Variants in MUC22 observed in about 807,000 individuals in gnomAD.
MUC22 encodes the protein mucin 22.
A neutral mutation model predicts 40.3 loss-of-function variants in MUC22; 24 were observed. The ratio of observed to expected loss-of-function variants is 0.60; its 90% confidence interval spans 0.43 to 0.84. The LOEUF is 0.84. Ranked by LOEUF, MUC22 falls within the 40% of genes least tolerant of loss-of-function variation. The pLI, the probability that MUC22 is intolerant of heterozygous loss-of-function variation, is 0.00. For missense variants in MUC22, 1,926 were observed against 2,130.7 expected, an observed-to-expected ratio of 0.90 and a Z score of 1.89; for synonymous variants, 765 against 844.5, an observed-to-expected ratio of 0.91 and a Z score of 1.63.
intron 1 of MUC22, among the ~76,000 whole-genome samples, chr6:31,022,106 A>G (rs570740979): frequency 2.0e-5 from 3 of 152,202 alleles, no homozygotes; most frequent in African/African-American, 7.2e-5. Flanking sequence ...AACCCACCAG[A>G]AGGAAGAAAC....
chr6:31,026,387 C>A lies in MUC22; in HGVS notation c.956C>A (p.Thr319Asn), dbSNP rs1414673491. The stretch of plus-strand genomic sequence containing the variant: ...TCTATTTCAGGTTCTGAGATCACCA[C>A]CACCTCTACGGCAGGATCCGAGAAC... The change falls in exon 2 of 4, where the codon ACC becomes AAC. Residue 319 changes from threonine to asparagine, a missense_variant. Thr to Asn is a moderately conservative substitution (Grantham distance 65). Transcript: ENST00000561890. 19 of 1,508,234 alleles carry A rather than the reference C, an allele frequency of 1.3e-5. 2 individuals carry two copies. The highest frequency in any genetic ancestry group is 1.6e-5 in the Non-Finnish European group (18 of 1,129,178). 93.4% of individuals were successfully genotyped at this position (1,508,234 alleles called of 1,614,324 possible).
intron 1 of MUC22, among the ~76,000 whole-genome samples, chr6:31,018,343 C>T (rs6911186): frequency 0.025 from 3,742 of 152,338 alleles, 154 homozygotes; most frequent in African/African-American, 0.084. Flanking sequence ...TATTTAGTCA[C>T]ATGCCACACC....
chr6:31,029,475 C>T (rs867285302), exon 2 of MUC22: 3 of 1,534,634 alleles, frequency 2.0e-6, no homozygotes, highest in Non-Finnish European at 2.6e-6. Context: ...CCACCACAGC[C>T]TCTACCGCAG....
chr6:31,027,244 A>T (rs1765481629), exon 2 of MUC22: 2 of 1,458,320 alleles, frequency 1.4e-6, no homozygotes, highest in South Asian at 2.5e-5. Flanking sequence ...AGGCTCTGAG[A>T]CCACCACAGC....
chr6:31,027,239 C>G, exon 2 of MUC22: 1 of 1,508,784 alleles, frequency 6.6e-7, no homozygotes, highest in South Asian at 1.2e-5. Context: ...ACCACAGGCT[C>G]TGAGACCACC....
chr6:31,027,194 C>T (rs1420090162), exon 2 of MUC22: 2 of 1,489,952 alleles, frequency 1.3e-6, no homozygotes, highest in African/African-American at 2.9e-5. Context: ...ACAATCAGAG[C>T]CTCTACCGTA....
At chr6:31,027,997 A>G (rs1412903159) in exon 2 of MUC22, 1 of 1,533,080 alleles carries the variant, frequency 6.5e-7, no homozygotes, top group East Asian at 2.5e-5. Flanking sequence ...TTCTGAGAAC[A>G]CCACAGCATC....
At chr6:31,029,355 C>T in exon 2 of MUC22, 2 of 1,535,288 alleles carry the variant, frequency 1.3e-6, no homozygotes, top group Non-Finnish European at 1.7e-6. Context: ...CTACCACCAC[C>T]TCTACTGAAG....
intron 2 of MUC22, among the ~76,000 whole-genome samples, chr6:31,030,950 G>A (rs539687464): frequency 7.9e-5 from 12 of 152,282 alleles, no homozygotes; most frequent in South Asian, 2.1e-4. Flanking sequence ...AGACAGCCTG[G>A]CCCAAAAGCC....
At chr6:31,021,605 A>G (rs9262524) in intron 1 of MUC22, among the ~76,000 whole-genome samples, 23,826 of 142,634 alleles carry the variant, frequency 0.17, 3,033 homozygotes, top group African/African-American at 0.21. Flanking sequence ...GAGTGCACCA[A>G]TCGACACTCT....
exon 2 of MUC22, chr6:31,026,597 C>T: frequency 6.6e-7 from 1 of 1,506,264 alleles, no homozygotes; most frequent in Non-Finnish European, 8.9e-7. Context: ...ACCACCGTCA[C>T]CTCTACTGCA....
chr6:31,032,278 C>A lies in MUC22; in HGVS notation c.4752C>A (p.Ala1584=). The change falls in exon 3 of 4, where the codon GCC becomes GCA. Residue 1584 remains alanine (A), a synonymous_variant. Coordinates refer to ENST00000561890, the Ensembl canonical transcript of MUC22. This position sits in a 1 kb window ranked among gnomAD's most constrained non-coding sequence, Gnocchi z 4.1. The stretch of plus-strand genomic sequence containing the variant: ...GAATGGACTTCACGGCCTCTGCTGC[C>A]AGCCATACTGTGCCAGGAATAGTCT... 6.5e-7 allele frequency: 1 copy of A among 1,535,692 alleles called. No individual in the cohort carries two copies. Among genetic ancestry groups the A allele is most frequent in the Non-Finnish European group, 8.7e-7 (1 of 1,146,900 alleles).
exon 2 of MUC22, chr6:31,028,402 G>C: frequency 1.3e-6 from 2 of 1,513,310 alleles, no homozygotes; most frequent in African/African-American, 1.4e-5. Context: ...CTCTACTGAA[G>C]GCTCCGAGAC....
At chr6:31,030,036 C>G in exon 2 of MUC22, 2 of 1,535,684 alleles carry the variant, frequency 1.3e-6, no homozygotes, top group Non-Finnish European at 1.7e-6. Flanking sequence ...TCTCTTCCAC[C>G]ACGTTTGTAC....
exon 2 of MUC22, chr6:31,027,162 A>G: frequency 6.7e-7 from 1 of 1,502,198 alleles, no homozygotes; most frequent in Non-Finnish European, 8.9e-7. Flanking sequence ...AGGTGACCAC[A>G]GTCTTTGCTG....
chr6:31,034,248 ACAGC>A (rs1306223700), intron 3 of MUC22, among the ~76,000 whole-genome samples: 3 of 152,194 alleles, frequency 2.0e-5, no homozygotes, highest in Non-Finnish European at 4.4e-5. Flanking sequence ...CTCTGTGTAG[ACAGC>A]TTTCTAGAGC....
intron 1 of MUC22, among the ~76,000 whole-genome samples, chr6:31,016,546 G>A (rs372220195): frequency 5.9e-5 from 9 of 152,254 alleles, no homozygotes; most frequent in African/African-American, 1.9e-4. Flanking sequence ...AGCTGAGCAA[G>A]GGAATAGGTA....
At chr6:31,026,309 C>T in exon 2 of MUC22, 1 of 1,499,692 alleles carries the variant, frequency 6.7e-7, no homozygotes, top group Non-Finnish European at 8.9e-7. Flanking sequence ...GCCTCTACAG[C>T]AGGTTCTGAG....
At chr6:31,034,745 A>G (rs775227210) in exon 4 of MUC22, 256 of 1,535,548 alleles carry the variant, frequency 1.7e-4, no homozygotes, top group Non-Finnish European at 2.0e-4. Context: ...CTTGGTCTGG[A>G]CCTGAACTTG....
Sources: allele counts gnomAD v4.1 joint callset (sites outside exome capture counted in the v4.1 genomes callset), GRCh38; gene constraint gnomAD v4.1.1; non-coding constraint Gnocchi (gnomAD v3.1); transcripts MANE v1.5; gene names NCBI Gene and HGNC (gene_info 2026-07-23, HGNC 2026-07-21).